SPATA13: variants seen among roughly 807,000 people sequenced by gnomAD.
SPATA13 encodes spermatogenesis associated 13.
SPATA13 carries 50 observed loss-of-function variants against 104.0 expected under a neutral mutation model. The ratio of observed to expected loss-of-function variants is 0.48; its 90% CI spans 0.38 to 0.61. The LOEUF is 0.61. Among genes scored for constraint, SPATA13 ranks in the 20% least tolerant of loss-of-function variants. The pLI is 0.00. For missense variants in SPATA13, 1,524 were observed against 1,690.6 expected, an observed-to-expected ratio of 0.90 and a Z score of 1.73; for synonymous variants, 606 against 667.5, an observed-to-expected ratio of 0.91 and a Z score of 1.42.
At chr13:24,059,968 G>A (rs1878719138) in intron 3 of SPATA13, among the ~76,000 whole-genome samples, 1 of 152,152 alleles carries the variant, frequency 6.6e-6, no homozygotes, top group South Asian at 2.1e-4. Flanking sequence ...TCAGTATTAT[G>A]TTGGCTGTGG....
intron 3 of SPATA13, 85 bp from the exon 4 acceptor site, chr13:24,251,633 G>A (rs1294691572): frequency 2.5e-5 from 39 of 1,548,566 alleles, no homozygotes; most frequent in Non-Finnish European, 3.3e-5. Flanking sequence ...GAGTGGCTTC[G>A]AGGTGAGAGC....
chr13:24,212,291 T>C (rs1871066717), intron 1 of SPATA13, among the ~76,000 whole-genome samples: 1 of 36,164 alleles, frequency 2.8e-5, no homozygotes, highest in Admixed American at 4.2e-4. Context: ...TGAGACCCTG[T>C]TTAAGAAAAA....
At chr13:23,983,607 G>A (rs892059403) in intron 1 of SPATA13, 1 of 151,460 alleles carries the variant, frequency 6.6e-6, no homozygotes, top group African/African-American at 2.4e-5. Flanking sequence ...TGAGCAAATA[G>A]TGGCCATTTA....
chr13:24,278,461 T>C (rs1875181209), intron 4 of SPATA13, among the ~76,000 whole-genome samples: 1 of 152,196 alleles, frequency 6.6e-6, no homozygotes, highest in South Asian at 2.1e-4. Flanking sequence ...TTTTAATTTA[T>C]AGAGATGGGT....
Position 24,270,988 on chromosome 13 carries a change from T to TTCCCCTCTCTCTCTCTCTC in SPATA13, c.2165-13143_2165-13125dup. 3.9e-6 allele frequency: 4 copies of TTCCCCTCTCTCTCTCTCTC among 1,035,314 alleles called. No homozygotes were observed. In the African/African-American group the frequency reaches 6.7e-5, roughly 17 times the overall value. The allele number at this position is 1,035,314 out of a possible 1,614,324, so 64.1% of individuals were successfully genotyped here. ...CTCTTTCCTTCCCAAGTTGCAGTTC[T>TTCCCCTCTCTCTCTCTCTC]TCCCCTCTCTCTCTCTCTCTCCACT... is the stretch of plus-strand genomic sequence containing the variant. On this transcript the variant is annotated intron_variant, in intron 4 of 12. Transcript: ENST00000382108.
chr13:24,077,262 CAAAAAAA>C (rs60810328), intron 3 of SPATA13, among the ~76,000 whole-genome samples: 1 of 73,016 alleles, frequency 1.4e-5, no homozygotes, highest in African/African-American at 5.6e-5. Flanking sequence ...GACTCCATGT[CAAAAAAA>C]AAAAAAAAAA....
chr13:24,166,329 A>C (rs1192903818), intron 1 of SPATA13, among the ~76,000 whole-genome samples: 2 of 152,090 alleles, frequency 1.3e-5, no homozygotes, highest in African/African-American at 4.8e-5. Context: ...GTTAGGGGAG[A>C]AGATGAGAGT....
chr13:24,205,251 A>G lies in SPATA13; in HGVS notation c.-111-17568A>G, dbSNP rs1870639387. Among the ~76,000 whole-genome samples, 1 of 152,194 alleles carries G rather than the reference A, an allele frequency of 6.6e-6. No individual in the cohort carries two copies. Among genetic ancestry groups the G allele is most frequent in the Non-Finnish European group, 1.5e-5 (1 of 68,018 alleles). ...TAAACAACTTCAGCAAATTCTCAGA[A>G]TACAAAACCAATGTGCAAAATTGCT... On this transcript the variant is annotated intron_variant, in intron 1 of 12. Coordinates refer to ENST00000382108, the MANE Select transcript of SPATA13 (RefSeq NM_001166271.3). The surrounding 1 kb of genome is among the most constrained non-coding windows in gnomAD (Gnocchi z 4.1).
intron 2 of SPATA13, among the ~76,000 whole-genome samples, chr13:23,990,604 T>G (rs892823959): frequency 3.9e-5 from 6 of 152,222 alleles, no homozygotes; most frequent in Admixed American, 3.9e-4. Flanking sequence ...CCTGGTTTAG[T>G]GGATTCTTCT....
rs190219450 is a variant in SPATA13, at chr13:24,115,335, C to G, written c.-112+97634C>G. ...AGCAGCTTACAACAGGGTCCCCAGC[C>G]CACAGACTGGCACTGGTCCATGGCT... On this transcript the variant is annotated intron_variant, in intron 3 of 14. Transcript: ENST00000424834. Among the ~76,000 whole-genome samples, 826 of 152,312 alleles carry G rather than the reference C, an allele frequency of 5.4e-3. 3 individuals are homozygous for G. The highest frequency in any genetic ancestry group is 7.8e-3 in the Non-Finnish European group (529 of 68,046).
At chr13:24,125,341 C>T (rs1804534726) in intron 3 of SPATA13, among the ~76,000 whole-genome samples, 1 of 152,122 alleles carries the variant, frequency 6.6e-6, no homozygotes, top group Non-Finnish European at 1.5e-5. Context: ...ATGAGACTCA[C>T]CTTATTGTCT....
At chr13:24,075,256 C>A (rs1385584322) in intron 3 of SPATA13, among the ~76,000 whole-genome samples, 1 of 152,106 alleles carries the variant, frequency 6.6e-6, no homozygotes, top group African/African-American at 2.4e-5. Flanking sequence ...TAATCTCCCA[C>A]TAAAATATCA....
chr13:23,981,812 C>G (rs1056329009), intron 1 of SPATA13, among the ~76,000 whole-genome samples: 2 of 152,224 alleles, frequency 1.3e-5, no homozygotes, highest in African/African-American at 4.8e-5. Context: ...TAAATCCTCA[C>G]TACCTGAATG....
intron 1 of SPATA13, among the ~76,000 whole-genome samples, chr13:24,181,341 CTTG>C (rs201534320): frequency 0.012 from 1,879 of 152,210 alleles, 38 homozygotes; most frequent in African/African-American, 0.043. Context: ...TTACTATAAG[CTTG>C]TTACTTTATA....
chr13:24,215,579 T>A (rs1316077074), intron 1 of SPATA13, among the ~76,000 whole-genome samples: 2 of 152,166 alleles, frequency 1.3e-5, no homozygotes, highest in Non-Finnish European at 2.9e-5. Flanking sequence ...ACAAAAAAAT[T>A]GAACACTAAA....
At chr13:24,085,558 C>T (rs1027989135) in intron 3 of SPATA13, among the ~76,000 whole-genome samples, 9 of 152,176 alleles carry the variant, frequency 5.9e-5, no homozygotes, top group East Asian at 1.9e-4. Context: ...GGAGGACGTC[C>T]GAGGGACCCT....
chr13:24,298,066 G>A (rs1331265665), intron 11 of SPATA13, among the ~76,000 whole-genome samples: 1 of 152,184 alleles, frequency 6.6e-6, no homozygotes, highest in Non-Finnish European at 1.5e-5. Context: ...GAGGCTTATG[G>A]AACTGGCCCA....
At chr13:24,220,140 G>A (rs1001035549) in intron 1 of SPATA13, among the ~76,000 whole-genome samples, 3 of 152,158 alleles carry the variant, frequency 2.0e-5, no homozygotes, top group Non-Finnish European at 4.4e-5. Flanking sequence ...TGCTCATGAA[G>A]TGGGTATATG....
intron 3 of SPATA13, among the ~76,000 whole-genome samples, chr13:24,070,346 C>T (rs1245120989): frequency 2.6e-5 from 4 of 152,134 alleles, no homozygotes; most frequent in Non-Finnish European, 4.4e-5. Flanking sequence ...CCTCCTCTGC[C>T]GCCCCCCTAC....
Sources: gnomAD v4.1 joint callset for allele counts (sites outside exome capture counted in the v4.1 genomes callset) on GRCh38, gnomAD v4.1.1 for gene constraint, Gnocchi (gnomAD v3.1) non-coding constraint, MANE v1.5 for transcripts, NCBI Gene and HGNC (gene_info 2026-07-23, HGNC 2026-07-21) for gene names.